Variants in IRAG1 observed in about 807,000 individuals in gnomAD.
IRAG1 encodes the protein IP3R-associated cGMP kinase substrate.
IRAG1 carries 62 observed loss-of-function variants against 106.2 expected under a neutral mutation model. The ratio of observed to expected loss-of-function variants is 0.58; its 90% confidence interval spans 0.48 to 0.72. IRAG1 has a LOEUF of 0.72. Among genes scored for constraint, IRAG1 ranks in the 30% least tolerant of loss-of-function variants. IRAG1 has a pLI of 0.00. For missense variants in IRAG1, 1,064 were observed against 1,140.7 expected (o/e 0.93, Z 0.97); for synonymous variants, 462 against 443.9 (o/e 1.04, Z -0.51).
chr11:10,595,850 T>C (rs905717839), intron 15 of IRAG1: 3 of 152,218 alleles, frequency 2.0e-5, no homozygotes, highest in Non-Finnish European at 2.9e-5. Flanking sequence ...CTCCTCCTAC[T>C]TTCCACCCTC....
intron 1 of IRAG1, among the ~76,000 whole-genome samples, chr11:10,690,581 A>G (rs1861982610): frequency 6.6e-6 from 1 of 152,134 alleles, no homozygotes; most frequent in Non-Finnish European, 1.5e-5. Context: ...CAGGACTAAC[A>G]TGATATCCCC....
chr11:10,579,744 A>G (rs1851204562), intron 20 of IRAG1, among the ~76,000 whole-genome samples: 1 of 152,176 alleles, frequency 6.6e-6, no homozygotes, highest in African/African-American at 2.4e-5. Context: ...CCCTGGAACT[A>G]AATTAGGTCA....
At chr11:10,681,368 G>A (rs890411932) in intron 1 of IRAG1, among the ~76,000 whole-genome samples, 3 of 152,182 alleles carry the variant, frequency 2.0e-5, no homozygotes, top group East Asian at 1.9e-4. Flanking sequence ...ATTCCCTTTA[G>A]CAGTAAATGT....
rs764578817 is a variant in IRAG1 at position 10,576,194 on chromosome 11, C to T, written c.*138G>A. On this transcript the variant is annotated 3_prime_UTR_variant, in exon 21 of 21. Coordinates refer to ENST00000423302, the MANE Select transcript of IRAG1 (RefSeq NM_130385.4). ...GTATGAATAGCTCCCACAGAAGTGC[C>T]GAGTGTTAAAAGAACCCTTCCTCAT... 8.2e-5 allele frequency: 90 copies of T among 1,103,186 alleles called. No individual in the cohort carries two copies. Among genetic ancestry groups the T allele is most frequent in the Non-Finnish European group, 1.1e-4 (87 of 780,742 alleles). The allele number at this position is 1,103,186 out of a possible 1,614,324, so 68.3% of individuals were successfully genotyped here. A position where few individuals can be genotyped will look rare whatever the true frequency, so the allele number is the denominator to read the frequency against.
chr11:10,682,406 CA>C (rs1265624869), intron 1 of IRAG1, among the ~76,000 whole-genome samples: 1 of 152,140 alleles, frequency 6.6e-6, no homozygotes, highest in Non-Finnish European at 1.5e-5. Flanking sequence ...GACAACTTGC[CA>C]AATGTTTTCA....
chr11:10,602,992 G>T, intron 14 of IRAG1, 128 bp downstream of exon 14: 2 of 1,036,348 alleles, frequency 1.9e-6, no homozygotes, highest in Non-Finnish European at 2.8e-6. Flanking sequence ...CTGCAATGAT[G>T]TGCATAGGAT....
At chr11:10,680,243 A>G (rs113859057) in intron 1 of IRAG1, among the ~76,000 whole-genome samples, 8,257 of 140,024 alleles carry the variant, frequency 0.059, 323 homozygotes, top group Middle Eastern at 0.17. Flanking sequence ...ACTACACTCC[A>G]GTCTGGGCAA....
chr11:10,627,570 G>T, intron 8 of IRAG1, 146 bp downstream of exon 8: 1 of 807,370 alleles, frequency 1.2e-6, no homozygotes, highest in Non-Finnish European at 2.0e-6. Context: ...TAAGGCAGGG[G>T]AATCTGCTGT....
intron 1 of IRAG1, among the ~76,000 whole-genome samples, chr11:10,682,459 T>A (rs540476140): frequency 6.6e-6 from 1 of 152,210 alleles, no homozygotes; most frequent in Non-Finnish European, 1.5e-5. Context: ...ACCAACCGTA[T>A]CTTTTTTTCC....
Position 10,576,225 on chromosome 11 carries a change from G to T in IRAG1, c.*107C>A. ...TTAAAAGAACCCTTCCTCATGACCT[G>T]ATGGGATGGGCGGCAGTGTGTCCAC... On this transcript the variant is annotated 3_prime_UTR_variant, in exon 21 of 21. Coordinates refer to ENST00000423302, the MANE Select transcript of IRAG1 (RefSeq NM_130385.4). 6.9e-7 allele frequency: 1 copy of T among 1,445,770 alleles called. No individual in the cohort carries two copies. The allele number at this position is 1,445,770 out of a possible 1,614,324, so 89.6% of individuals were successfully genotyped here.
chr11:10,687,806 T>C, intron 1 of IRAG1: 1 of 1,288,466 alleles, frequency 7.8e-7, no homozygotes, highest in Non-Finnish European at 1.0e-6. Context: ...GGGCTAGAAA[T>C]AATAAGACCT....
At position 10,628,844 on chromosome 11, in the gene IRAG1, C is replaced by T; in HGVS notation, c.575-16G>A. 6.4e-7 allele frequency: 1 copy of T among 1,570,656 alleles called. No individual in the cohort carries two copies. The highest frequency in any genetic ancestry group is 8.6e-7 in the Non-Finnish European group (1 of 1,159,258). On this transcript the variant is annotated splice_polypyrimidine_tract_variant and intron_variant, in intron 5 of 20. Coordinates refer to ENST00000423302, the MANE Select transcript of IRAG1 (RefSeq NM_130385.4). The surrounding 1 kb of genome is among the most constrained non-coding windows in gnomAD (Gnocchi z 4.1). ...GGGGAAACAGCTGTGAAGACAGACACAAATTGGCTGGCATTCATGAAGGTT... is the reference window on the plus strand; with the variant it reads ...GGGGAAACAGCTGTGAAGACAGACATAAATTGGCTGGCATTCATGAAGGTT...
intron 18 of IRAG1, among the ~76,000 whole-genome samples, chr11:10,588,548 G>C (rs1037592829): frequency 1.3e-5 from 2 of 152,100 alleles, no homozygotes; most frequent in African/African-American, 4.8e-5. Flanking sequence ...TGGGGCTTTC[G>C]TTATATTGCC....
chr11:10,616,696 G>GTTTTAA (rs1166774252), intron 10 of IRAG1, among the ~76,000 whole-genome samples: 1 of 151,960 alleles, frequency 6.6e-6, no homozygotes, highest in Non-Finnish European at 1.5e-5. Flanking sequence ...AATTCTAATA[G>GTTTTAA]TTTTAATTTC....
intron 2 of IRAG1, among the ~76,000 whole-genome samples, chr11:10,642,850 A>G (rs1331334780): frequency 6.6e-6 from 1 of 152,162 alleles, no homozygotes; most frequent in Non-Finnish European, 1.5e-5. Flanking sequence ...AAAAGCAGCC[A>G]GTGCTCTTAC....
chr11:10,645,679 G>A (rs1440564923), intron 2 of IRAG1, among the ~76,000 whole-genome samples: 1 of 152,188 alleles, frequency 6.6e-6, no homozygotes, highest in Non-Finnish European at 1.5e-5. Context: ...GGGACTGAGC[G>A]CCTATTGTGA....
intron 18 of IRAG1, 71 bp downstream of exon 18, chr11:10,591,473 TGGGA>T: frequency 7.7e-7 from 1 of 1,304,608 alleles, no homozygotes; most frequent in Non-Finnish European, 1.1e-6. Context: ...GGGATAAAAA[TGGGA>T]GGAAGGAAAG....
intron 12 of IRAG1, 55 bp downstream of exon 12, chr11:10,606,687 A>T: frequency 6.5e-7 from 1 of 1,534,422 alleles, no homozygotes; most frequent in African/African-American, 1.4e-5. Context: ...AAATGTTTTG[A>T]ATAAGCCCAG....
chr11:10,635,091 TG>T (rs1169926437), intron 2 of IRAG1, among the ~76,000 whole-genome samples: 3 of 152,174 alleles, frequency 2.0e-5, no homozygotes, highest in Non-Finnish European at 2.9e-5. Flanking sequence ...CCAGCCTGGC[TG>T]GGGAAGAATG....
Sources: allele counts gnomAD v4.1 joint callset (sites outside exome capture counted in the v4.1 genomes callset), GRCh38; gene constraint gnomAD v4.1.1; non-coding constraint Gnocchi (gnomAD v3.1); transcripts MANE v1.5; gene names NCBI Gene and HGNC (gene_info 2026-07-23, HGNC 2026-07-21).